Variants in KIF27 observed in about 807,000 individuals in gnomAD.
The protein encoded by KIF27 is kinesin-like protein KIF27.
KIF27 carries 84 observed loss-of-function variants against 141.8 expected under a neutral mutation model. The ratio of observed to expected loss-of-function variants is 0.59; its 90% CI spans 0.50 to 0.71. The LOEUF (loss-of-function observed/expected upper bound fraction) is 0.71. KIF27 is among the 30% of genes least tolerant of loss of function. The pLI is 0.00. For missense variants in KIF27, 1,306 were observed against 1,628.4 expected, an observed-to-expected ratio of 0.80 and a Z score of 3.41; for synonymous variants, 471 against 569.5, an observed-to-expected ratio of 0.83 and a Z score of 2.46.
At chr9:83,841,622 T>G (rs1946577637) in intron 17 of KIF27, among the ~76,000 whole-genome samples, 1 of 152,226 alleles carries the variant, frequency 6.6e-6, no homozygotes, top group Non-Finnish European at 1.5e-5. Flanking sequence ...TTAGAAATAT[T>G]GATTCCTCTC....
At chr9:83,846,063 C>T (rs1947232922) in intron 16 of KIF27, among the ~76,000 whole-genome samples, 1 of 152,044 alleles carries the variant, frequency 6.6e-6, no homozygotes, top group Non-Finnish European at 1.5e-5. Flanking sequence ...GATGTGGGCT[C>T]AGCAACATGG....
At chr9:83,877,301 A>G (rs1336147148) in intron 11 of KIF27, among the ~76,000 whole-genome samples, 1 of 152,114 alleles carries the variant, frequency 6.6e-6, no homozygotes, top group Non-Finnish European at 1.5e-5. Flanking sequence ...ATTCTACATA[A>G]CTGCAACTTT....
At chr9:83,879,594 T>A (rs1951510938) in intron 11 of KIF27, among the ~76,000 whole-genome samples, 2 of 152,186 alleles carry the variant, frequency 1.3e-5, no homozygotes, top group Non-Finnish European at 2.9e-5. Flanking sequence ...TAGTACTAGA[T>A]AAGTGTCTGT....
At chr9:83,917,729 T>C (rs1364351343) in intron 1 of KIF27, among the ~76,000 whole-genome samples, 1 of 152,154 alleles carries the variant, frequency 6.6e-6, no homozygotes, top group Non-Finnish European at 1.5e-5. Context: ...TTTCAACAAA[T>C]GGCACTGGGA....
chr9:83,893,795 C>A (rs1952910543), intron 5 of KIF27, among the ~76,000 whole-genome samples: 1 of 151,796 alleles, frequency 6.6e-6, no homozygotes, highest in African/African-American at 2.4e-5. Flanking sequence ...AAATAATGAA[C>A]AAACATACAC....
chr9:83,843,839 T>C (rs1414020735), intron 16 of KIF27, among the ~76,000 whole-genome samples: 13 of 152,244 alleles, frequency 8.5e-5, no homozygotes, highest in Middle Eastern at 6.8e-3. Flanking sequence ...CTTCCCACCT[T>C]AGCCTCCGGG....
Position 83,858,072 on chromosome 9 carries a change from C to A in KIF27, c.3150+1084G>T, listed in dbSNP as rs576853614. Among the ~76,000 whole-genome samples, 6 of 150,316 alleles carry A rather than the reference C, an allele frequency of 4.0e-5. No homozygotes were observed. In the South Asian group the frequency reaches 1.3e-3, roughly 32 times the overall value. On this transcript the variant is annotated intron_variant, in intron 14 of 17. Transcript: ENST00000297814. ...TGAATTCTGCTGTATCTTAGGCTCTCATGTCTTCAAATCTATAACCCTTAG... is the reference window on the plus strand; with the variant it reads ...TGAATTCTGCTGTATCTTAGGCTCTAATGTCTTCAAATCTATAACCCTTAG...
rs1451721037 is a variant in KIF27 at position 83,915,655 on chromosome 9, C to T, written c.-64G>A. On this transcript the variant is annotated 5_prime_UTR_variant, in exon 2 of 18. Transcript: ENST00000297814. ...GTTCAGTATCTAGTGTGAGAGACTT[C>T]CATCTTATGTAAGATCTGGATTCCT... is the stretch of plus-strand genomic sequence containing the variant. 2.2e-6 allele frequency: 3 copies of T among 1,365,470 alleles called. No homozygotes were observed. Among genetic ancestry groups the T allele is most frequent in the Non-Finnish European group, 3.0e-6 (3 of 1,003,440 alleles). 84.6% of individuals were successfully genotyped at this position (1,365,470 alleles called of 1,614,324 possible).
intron 11 of KIF27, among the ~76,000 whole-genome samples, chr9:83,877,084 C>A (rs1485875244): frequency 6.6e-6 from 1 of 151,994 alleles, no homozygotes; most frequent in Non-Finnish European, 1.5e-5. Context: ...CTCAAAAAAA[C>A]AAAATTGTAC....
chr9:83,856,739 C>CAAAA (rs1164022379), intron 14 of KIF27, among the ~76,000 whole-genome samples: 1 of 64,356 alleles, frequency 1.6e-5, no homozygotes, highest in Non-Finnish European at 2.9e-5. Context: ...GACTCCGTCT[C>CAAAA]AAAAAAAAAA....
At chr9:83,870,415 C>T (rs1950676953) in intron 12 of KIF27, 104 bp downstream of exon 12, 1 of 1,506,558 alleles carries the variant, frequency 6.6e-7, no homozygotes, top group Non-Finnish European at 9.0e-7. Context: ...GATCCACCCA[C>T]CTCGGCGTCC....
In KIF27 at chr9:83,914,819, A is replaced by G. The variant is rs562143037; in HGVS notation, c.298+475T>C. Among the ~76,000 whole-genome samples the G allele has an allele frequency of 2.6e-5, 4 of 152,276 alleles. No individual in the cohort carries two copies. The East Asian group carries it at 7.7e-4, about 29-fold the overall frequency. ...ATGATTCCATCTTTTCCAAACTACA[A>G]TTATAAGCAGGAGAAATTATGTCCT... On this transcript the variant is annotated intron_variant, in intron 2 of 17. Transcript: ENST00000297814.
At chr9:83,860,458 C>T (rs1167837361) in intron 13 of KIF27, among the ~76,000 whole-genome samples, 1 of 152,106 alleles carries the variant, frequency 6.6e-6, no homozygotes, top group Non-Finnish European at 1.5e-5. Flanking sequence ...CCTCCATTCT[C>T]CCAATATAAG....
Position 83,856,641 on chromosome 9 carries a change from T to C in KIF27, c.3150+2515A>G, listed in dbSNP as rs140188587. Among the ~76,000 whole-genome samples, 1,239 of 150,024 alleles carry C rather than the reference T, an allele frequency of 8.3e-3. 32 individuals are homozygous for C. Among genetic ancestry groups the C allele is most frequent in the East Asian group, 0.037 (186 of 5,070 alleles). On this transcript the variant is annotated intron_variant, in intron 14 of 17. Coordinates refer to ENST00000297814, the MANE Select transcript of KIF27 (RefSeq NM_017576.4). ...CTGCAGTGCCAGCTACTCAGGTGGCTGAGGCAGGGGAATCGCTTGAACCAG... is the reference window on the plus strand; with the variant it reads ...CTGCAGTGCCAGCTACTCAGGTGGCCGAGGCAGGGGAATCGCTTGAACCAG...
intron 1 of KIF27, among the ~76,000 whole-genome samples, chr9:83,916,277 C>T (rs901905198): frequency 6.6e-6 from 1 of 152,180 alleles, no homozygotes; most frequent in African/African-American, 2.4e-5. Context: ...AGGTGACCCG[C>T]CCGCCTCGGC....
chr9:83,913,957 G>T (rs1199744246), intron 2 of KIF27, among the ~76,000 whole-genome samples: 1 of 151,874 alleles, frequency 6.6e-6, no homozygotes, highest in Admixed American at 6.6e-5. Context: ...AAAGTAGAAA[G>T]AAAACACCAT....
intron 12 of KIF27, among the ~76,000 whole-genome samples, chr9:83,870,068 A>G (rs1950643503): frequency 6.6e-6 from 1 of 152,150 alleles, no homozygotes; most frequent in Non-Finnish European, 1.5e-5. Context: ...AATACTAGAA[A>G]TTTTGCATTT....
intron 13 of KIF27, among the ~76,000 whole-genome samples, chr9:83,867,326 T>C (rs1459784865): frequency 6.6e-6 from 1 of 152,210 alleles, no homozygotes; most frequent in Non-Finnish European, 1.5e-5. Flanking sequence ...TTCAAGTTTT[T>C]GTGTGGATAC....
intron 8 of KIF27, among the ~76,000 whole-genome samples, chr9:83,887,710 AACTAG>A (rs1952237615): frequency 1.3e-5 from 2 of 151,988 alleles, no homozygotes; most frequent in African/African-American, 4.8e-5. Context: ...TCAAGGAAGG[AACTAG>A]TGTAAGCTCA....
Sources: gnomAD v4.1 joint callset for allele counts (sites outside exome capture counted in the v4.1 genomes callset) on GRCh38, gnomAD v4.1.1 for gene constraint, MANE v1.5 for transcripts, NCBI Gene and HGNC (gene_info 2026-07-23, HGNC 2026-07-21) for gene names.